Variants in GRAMD2B observed in about 807,000 individuals in gnomAD.
GRAMD2B encodes the protein GRAM domain containing 2B, also known as GRAM domain-containing protein 2B.
Under a neutral mutation model 59.2 loss-of-function variants are expected in GRAMD2B, and 41 were observed. The observed-to-expected ratio is 0.69, with a 90% CI of 0.54 to 0.90. The LOEUF is 0.90. Among genes scored for constraint, GRAMD2B ranks in the 40% least tolerant of loss-of-function variants. The probability of loss-of-function intolerance (pLI) is 0.00; values close to 1 mark genes in which losing one functional copy is unlikely to be tolerated. For missense variants in GRAMD2B, 424 were observed against 500.5 expected (o/e 0.85, Z 1.46); for synonymous variants, 161 against 182.7 (o/e 0.88, Z 0.96).
At chr5:126,390,675 C>T (rs1215442125) in intron 1 of GRAMD2B, among the ~76,000 whole-genome samples, 2 of 152,172 alleles carry the variant, frequency 1.3e-5, no homozygotes, top group Non-Finnish European at 2.9e-5. Flanking sequence ...AGAGTGATAA[C>T]TTTAATTCTG....
chr5:126,461,796 A>G (rs1204856945), intron 1 of GRAMD2B, among the ~76,000 whole-genome samples: 5 of 152,174 alleles, frequency 3.3e-5, no homozygotes, highest in Admixed American at 2.0e-4. Context: ...GTGAAACTCC[A>G]TCTCAAAAAA....
At chr5:126,364,416 T>A (rs1455375573) in intron 1 of GRAMD2B, among the ~76,000 whole-genome samples, 1 of 152,220 alleles carries the variant, frequency 6.6e-6, no homozygotes, top group East Asian at 1.9e-4. Context: ...AGAGTAAATA[T>A]CTATCTAATT....
intron 1 of GRAMD2B, among the ~76,000 whole-genome samples, chr5:126,364,435 C>T (rs1254596018): frequency 2.0e-5 from 3 of 152,226 alleles, no homozygotes; most frequent in Admixed American, 1.3e-4. Context: ...TTACTTCACA[C>T]AATAGCAGTG....
intron 8 of GRAMD2B, among the ~76,000 whole-genome samples, chr5:126,482,712 G>T (rs1772118278): frequency 1.3e-5 from 2 of 152,226 alleles, no homozygotes; most frequent in Admixed American, 1.3e-4. Flanking sequence ...AAGGTGAAAG[G>T]TTGGTAATTT....
At chr5:126,367,864 G>A (rs1164657804), upstream of GRAMD2B, among the ~76,000 whole-genome samples, 1 of 152,114 alleles carries the variant, frequency 6.6e-6, no homozygotes, top group Non-Finnish European at 1.5e-5. Context: ...CCATTCTCCT[G>A]CCTCAGCCTC....
Position 126,424,835 on chromosome 5 carries a change from T to G in GRAMD2B, c.83+1146T>G, listed in dbSNP as rs532190875. On this transcript the variant is annotated intron_variant, in intron 1 of 13. Transcript: ENST00000285689. ...GAGGCAGGTGCTATTATTTCCATGTTGCAGATAAAAGCACTGAAGCTCTGA... is the reference window on the plus strand; with the variant it reads ...GAGGCAGGTGCTATTATTTCCATGTGGCAGATAAAAGCACTGAAGCTCTGA... Among the ~76,000 whole-genome samples the G allele has an allele frequency of 2.6e-5, 4 of 152,326 alleles. No homozygotes were observed. The South Asian group carries it at 8.3e-4, about 32-fold the overall frequency.
chr5:126,430,993 A>C (rs773760322), intron 1 of GRAMD2B, among the ~76,000 whole-genome samples: 2 of 152,226 alleles, frequency 1.3e-5, no homozygotes, highest in Non-Finnish European at 2.9e-5. Flanking sequence ...TATTTTTTAA[A>C]GAAATACATG....
chr5:126,488,511 C>T lies in GRAMD2B; in HGVS notation c.1164-288C>T, dbSNP rs925420353. On this transcript the variant is annotated intron_variant, in intron 12 of 13. Coordinates refer to ENST00000285689, the MANE Select transcript of GRAMD2B (RefSeq NM_023927.4). Reference sequence around the variant, plus strand: ...TTAATAAAAGGGTTCTAAGAAACCACGTGCTTGAAAATAATTGCCTGATTT... The same window carrying T: ...TTAATAAAAGGGTTCTAAGAAACCATGTGCTTGAAAATAATTGCCTGATTT... Among the ~76,000 whole-genome samples the T allele has an allele frequency of 1.3e-5, 2 of 152,168 alleles. 1 individual carries two copies. Among genetic ancestry groups the T allele is most frequent in the South Asian group, 4.1e-4 (2 of 4,832 alleles).
chr5:126,480,919 A>G (rs1771611328), intron 8 of GRAMD2B: 4 of 583,404 alleles, frequency 6.9e-6, no homozygotes, highest in Middle Eastern at 4.1e-4. Context: ...TCCTGCAAAA[A>G]GAAAGAAACA....
At chr5:126,485,475 C>T (rs770051893) in intron 10 of GRAMD2B, among the ~76,000 whole-genome samples, 3 of 152,108 alleles carry the variant, frequency 2.0e-5, no homozygotes, top group Non-Finnish European at 4.4e-5. Flanking sequence ...ATGCTTGACA[C>T]AAAGAAGGCT....
At chr5:126,455,492 C>T (rs1462238164) in intron 1 of GRAMD2B, among the ~76,000 whole-genome samples, 1 of 152,066 alleles carries the variant, frequency 6.6e-6, no homozygotes, top group African/African-American at 2.4e-5. Flanking sequence ...TATTGTGCTT[C>T]TGCCTTTCCT....
At chr5:126,411,952 A>G (rs1171134094) in intron 1 of GRAMD2B, among the ~76,000 whole-genome samples, 1 of 151,858 alleles carries the variant, frequency 6.6e-6, no homozygotes, top group East Asian at 1.9e-4. Flanking sequence ...ATTTTTGTAC[A>G]TTGATTTTGT....
upstream of GRAMD2B, among the ~76,000 whole-genome samples, chr5:126,422,559 G>A (rs1464781487): frequency 6.6e-6 from 1 of 152,096 alleles, no homozygotes; most frequent in African/African-American, 2.4e-5. Flanking sequence ...TTTTATGTGT[G>A]GCCCAAGACA....
chr5:126,459,711 G>A (rs1044278311), intron 1 of GRAMD2B, among the ~76,000 whole-genome samples: 4 of 152,138 alleles, frequency 2.6e-5, no homozygotes, highest in African/African-American at 7.2e-5. Flanking sequence ...AAAGTTTAGC[G>A]CTAGTCACGA....
At chr5:126,438,468 G>A (rs1762766733) in intron 1 of GRAMD2B, among the ~76,000 whole-genome samples, 1 of 152,150 alleles carries the variant, frequency 6.6e-6, no homozygotes, top group South Asian at 2.1e-4. Context: ...TTAGAGGTCT[G>A]GGAAAGAAAT....
chr5:126,470,209 A>G (rs1016105186), intron 3 of GRAMD2B, among the ~76,000 whole-genome samples: 6 of 152,222 alleles, frequency 3.9e-5, no homozygotes, highest in African/African-American at 1.4e-4. Context: ...GAACAGGGTC[A>G]GGATTCTTCT....
chr5:126,490,015 G>C (rs887005224), intron 13 of GRAMD2B, among the ~76,000 whole-genome samples: 3 of 152,126 alleles, frequency 2.0e-5, no homozygotes, highest in Admixed American at 1.3e-4. Context: ...AAGAGCAAAG[G>C]AGTTTCCAAA....
At position 126,453,348 on chromosome 5, in the gene GRAMD2B, GAAA is replaced by G. The variant is rs35983190; in HGVS notation, c.84-12061_84-12059del. On this transcript the variant is annotated intron_variant, in intron 1 of 13. Transcript: ENST00000285689. The stretch of plus-strand genomic sequence containing the variant: ...AGACTCCATCTTCTCCATCTTAAAA[GAAA>G]AAAAAAAAAAAAAAAAGGAATGAAG... Among the ~76,000 whole-genome samples, 228 of 128,176 alleles carry G rather than the reference GAAA, an allele frequency of 1.8e-3. 5 individuals are homozygous for G. In the East Asian group the frequency reaches 0.038, roughly 21 times the overall value. The allele number at this position is 128,176 out of a possible 152,430, so 84.1% of individuals were successfully genotyped here.
intron 5 of GRAMD2B, among the ~76,000 whole-genome samples, chr5:126,474,686 T>C (rs1360480441): frequency 1.3e-5 from 2 of 152,182 alleles, no homozygotes; most frequent in Non-Finnish European, 2.9e-5. Context: ...TTAGTCTTTG[T>C]TAAGGGATGG....
Sources: gnomAD v4.1 joint callset for allele counts (sites outside exome capture counted in the v4.1 genomes callset) on GRCh38, gnomAD v4.1.1 for gene constraint, MANE v1.5 for transcripts, NCBI Gene and HGNC (gene_info 2026-07-23, HGNC 2026-07-21) for gene names.